PARD3B: variants seen among roughly 807,000 people sequenced by gnomAD.
The protein encoded by PARD3B is par-3 family cell polarity regulator beta, also known as partitioning defective 3 homolog B.
A neutral mutation model predicts 130.2 loss-of-function variants in PARD3B; 103 were observed. The observed-to-expected ratio is 0.79, with a 90% CI of 0.67 to 0.93. The LOEUF is 0.93. PARD3B is among the 40% of genes least tolerant of loss of function. The pLI, the probability that PARD3B is intolerant of heterozygous loss-of-function variation, is 0.00. For missense variants in PARD3B, 1,609 were observed against 1,499.2 expected (o/e 1.07, Z -1.21); for synonymous variants, 583 against 553.2 (o/e 1.05, Z -0.76).
At chr2:204,717,750 T>C (rs967633639) in intron 2 of PARD3B, among the ~76,000 whole-genome samples, 1 of 152,114 alleles carries the variant, frequency 6.6e-6, no homozygotes, top group African/African-American at 2.4e-5. Context: ...TGGAAGTATC[T>C]GGAGAGATGG....
At chr2:205,023,190 C>T (rs879733860) in intron 3 of PARD3B, among the ~76,000 whole-genome samples, 1 of 152,116 alleles carries the variant, frequency 6.6e-6, no homozygotes, top group Non-Finnish European at 1.5e-5. Flanking sequence ...CATTTGTGAT[C>T]GCTTTCACAG....
At chr2:205,108,534 A>C (rs1276030000) in intron 5 of PARD3B, among the ~76,000 whole-genome samples, 1 of 151,624 alleles carries the variant, frequency 6.6e-6, no homozygotes, top group Non-Finnish European at 1.5e-5. Flanking sequence ...CTAATATTAC[A>C]ACCAATTGTT....
At chr2:204,966,832 A>T (rs1368114228) in intron 3 of PARD3B, among the ~76,000 whole-genome samples, 1 of 152,218 alleles carries the variant, frequency 6.6e-6, no homozygotes, top group Non-Finnish European at 1.5e-5. Flanking sequence ...AATATTTATT[A>T]CATGAGTACA....
intron 18 of PARD3B, among the ~76,000 whole-genome samples, chr2:205,308,815 C>T (rs13004568): frequency 0.56 from 84,863 of 151,918 alleles, 27,412 homozygotes; most frequent in South Asian, 0.75. Context: ...ATGGCTCTCA[C>T]GGAATTTACA....
In PARD3B at chr2:205,253,783, A is replaced by G. The variant is rs772380734; in HGVS notation, c.2185+7961A>G. 6.6e-6 allele frequency among the ~76,000 whole-genome samples: 1 copy of G among 152,100 alleles called. No homozygotes were observed. Among genetic ancestry groups the G allele is most frequent in the Non-Finnish European group, 1.5e-5 (1 of 68,000 alleles). ...GTGCAGAAAGTGAGAAAAAAGGACC[A>G]AGTTGGATCTCCTCCTAACCCTGAC... On this transcript the variant is annotated intron_variant, in intron 16 of 22. Coordinates refer to ENST00000406610, the MANE Select transcript of PARD3B (RefSeq NM_001302769.2). This position sits in a 1 kb window ranked among gnomAD's most constrained non-coding sequence, Gnocchi z 4.4.
At chr2:204,795,441 G>C (rs1467766371) in intron 2 of PARD3B, among the ~76,000 whole-genome samples, 1 of 152,156 alleles carries the variant, frequency 6.6e-6, no homozygotes, top group Non-Finnish European at 1.5e-5. Context: ...AGGATTTGGG[G>C]CTTATTTGGA....
chr2:205,353,865 T>C (rs2044082774), intron 18 of PARD3B, among the ~76,000 whole-genome samples: 1 of 152,098 alleles, frequency 6.6e-6, no homozygotes, highest in African/African-American at 2.4e-5. Context: ...CCAAAGCATT[T>C]TAATAAACAC....
intron 2 of PARD3B, among the ~76,000 whole-genome samples, chr2:204,931,200 C>G (rs1688005561): frequency 6.6e-6 from 1 of 152,092 alleles, no homozygotes; most frequent in Non-Finnish European, 1.5e-5. Flanking sequence ...GTCAAATTGC[C>G]TTACTTCAAA....
chr2:205,540,840 A>C (rs2052093760), intron 21 of PARD3B, among the ~76,000 whole-genome samples: 1 of 152,228 alleles, frequency 6.6e-6, no homozygotes, highest in African/African-American at 2.4e-5. Flanking sequence ...CCAGCATTAG[A>C]AATCTAAAAG....
At chr2:204,697,401 A>G (rs528913055) in intron 2 of PARD3B, among the ~76,000 whole-genome samples, 1 of 152,222 alleles carries the variant, frequency 6.6e-6, no homozygotes, top group Non-Finnish European at 1.5e-5. Context: ...TTCATTCCCT[A>G]TTGCTCTAAG....
At chr2:205,047,944 A>T (rs753233563) in intron 4 of PARD3B, 7 of 290,762 alleles carry the variant, frequency 2.4e-5, no homozygotes, top group Non-Finnish European at 4.4e-5. Context: ...CTAAACTTCC[A>T]CATCAAGGTA....
Position 205,591,104 on chromosome 2 carries a change from C to G in PARD3B, c.3261-24352C>G, listed in dbSNP as rs771148087. Among the ~76,000 whole-genome samples the G allele has an allele frequency of 5.9e-5, 9 of 152,096 alleles. No individual in the cohort carries two copies. The highest frequency in any genetic ancestry group is 1.0e-4 in the Non-Finnish European group (7 of 68,028). ...CCTGAGAATGTGAATAATCCCAAGT[C>G]TAAGTCATCCAGCATTTCTCAGAGA... On this transcript the variant is annotated intron_variant, in intron 22 of 22. Coordinates refer to ENST00000406610, the MANE Select transcript of PARD3B (RefSeq NM_001302769.2). This position sits in a 1 kb window ranked among gnomAD's most constrained non-coding sequence, Gnocchi z 4.2.
chr2:204,749,088 C>T (rs79048347), intron 2 of PARD3B, among the ~76,000 whole-genome samples: 4,210 of 151,884 alleles, frequency 0.028, 184 homozygotes, highest in African/African-American at 0.096. Context: ...GAATTTTTGT[C>T]CCCCTAACAC....
In PARD3B at chr2:205,121,499, G is replaced by C; in HGVS notation, c.807-92G>C. 9.3e-7 allele frequency: 1 copy of C among 1,079,394 alleles called. No individual in the cohort carries two copies. Among genetic ancestry groups the C allele is most frequent in the Non-Finnish European group, 1.4e-6 (1 of 725,082 alleles). 66.9% of individuals were successfully genotyped at this position (1,079,394 alleles called of 1,614,324 possible). ...ATCGTGTCTCCTATGATTAGCCACTGTGCTGCTCTTGGTTGCCATCCTCCT... is the reference window on the plus strand; with the variant it reads ...ATCGTGTCTCCTATGATTAGCCACTCTGCTGCTCTTGGTTGCCATCCTCCT... On this transcript the variant is annotated intron_variant, in intron 7 of 22. Coordinates refer to ENST00000406610, the MANE Select transcript of PARD3B (RefSeq NM_001302769.2). This position sits in a 1 kb window ranked among gnomAD's most constrained non-coding sequence, Gnocchi z 5.0.
At chr2:205,489,490 T>C (rs2049583896) in intron 20 of PARD3B, among the ~76,000 whole-genome samples, 1 of 144,594 alleles carries the variant, frequency 6.9e-6, no homozygotes, top group South Asian at 2.2e-4. Flanking sequence ...TATACATATA[T>C]ATGTGTGTAT....
chr2:205,577,407 T>G (rs1262470560), intron 22 of PARD3B, among the ~76,000 whole-genome samples: 1 of 152,182 alleles, frequency 6.6e-6, no homozygotes, highest in Non-Finnish European at 1.5e-5. Context: ...AAGCAAGTGC[T>G]TGAGGAAAAT....
At chr2:204,690,744 A>G (rs1012379719) in intron 2 of PARD3B, among the ~76,000 whole-genome samples, 5 of 152,182 alleles carry the variant, frequency 3.3e-5, no homozygotes, top group Admixed American at 6.5e-5. Context: ...GTGACTTGCT[A>G]CAGCAGCAAT....
intron 2 of PARD3B, among the ~76,000 whole-genome samples, chr2:204,790,572 TGTG>T (rs1436325054): frequency 6.6e-6 from 1 of 152,198 alleles, no homozygotes; most frequent in African/African-American, 2.4e-5. Flanking sequence ...AATTTTATAA[TGTG>T]GAGTTGACAC....
intron 3 of PARD3B, among the ~76,000 whole-genome samples, chr2:205,046,126 G>A (rs918665329): frequency 4.6e-5 from 7 of 152,074 alleles, no homozygotes; most frequent in African/African-American, 1.7e-4. Context: ...GCTGGTAATT[G>A]AGGGGCTTAA....
Sources: allele counts gnomAD v4.1 joint callset (sites outside exome capture counted in the v4.1 genomes callset), GRCh38; gene constraint gnomAD v4.1.1; non-coding constraint Gnocchi (gnomAD v3.1); transcripts MANE v1.5; gene names NCBI Gene and HGNC (gene_info 2026-07-23, HGNC 2026-07-21).